The following PTPA variants were observed in gnomAD, a reference collection of about 807,000 sequenced individuals.
PTPA encodes the protein serine/threonine-protein phosphatase 2A activator.
PTPA carries 13 observed loss-of-function variants against 43.6 expected under a neutral mutation model. The ratio of observed to expected loss-of-function variants is 0.30; its 90% confidence interval spans 0.19 to 0.47. The LOEUF (loss-of-function observed/expected upper bound fraction) is 0.47, where lower values mean the gene tolerates loss of function less well. PTPA is among the 20% of genes least tolerant of loss of function. PTPA has a pLI of 0.99. For missense variants in PTPA, 329 were observed against 411.9 expected, an observed-to-expected ratio of 0.80 and a Z score of 1.74; for synonymous variants, 172 against 158.2, an observed-to-expected ratio of 1.09 and a Z score of -0.66.
At chr9:129,142,870 C>T (rs1850991434) in intron 9 of PTPA, 2 of 1,515,896 alleles carry the variant, frequency 1.3e-6, no homozygotes, top group Non-Finnish European at 1.8e-6. Context: ...TATCAAGTGG[C>T]CAAAGGCTCC....
chr9:129,130,752 T>G (rs1849904936), intron 4 of PTPA, among the ~76,000 whole-genome samples: 1 of 152,160 alleles, frequency 6.6e-6, no homozygotes, highest in Admixed American at 6.6e-5. Context: ...TTTTTACATG[T>G]TTTTACTCAT....
intron 1 of PTPA, among the ~76,000 whole-genome samples, chr9:129,118,096 A>G (rs1478597334): frequency 6.8e-6 from 1 of 146,752 alleles, no homozygotes; most frequent in Non-Finnish European, 1.5e-5. Context: ...TCTGTCAACC[A>G]GAGCTGGAGC....
chr9:129,146,305 T>C (rs1318515304), intron 9 of PTPA, among the ~76,000 whole-genome samples: 1 of 152,022 alleles, frequency 6.6e-6, no homozygotes, highest in East Asian at 1.9e-4. Flanking sequence ...ATGAGCTTGG[T>C]TTCCATCCTT....
intron 1 of PTPA, among the ~76,000 whole-genome samples, chr9:129,112,212 G>A (rs1848563135): frequency 6.6e-6 from 1 of 152,186 alleles, no homozygotes. Flanking sequence ...GTGCAAGGAG[G>A]TTAGTCTCTC....
chr9:129,113,325 C>T (rs1278053368), intron 1 of PTPA, among the ~76,000 whole-genome samples: 3 of 151,354 alleles, frequency 2.0e-5, no homozygotes, highest in African/African-American at 7.3e-5. Context: ...CTCCTGACCT[C>T]GTGATCCTCC....
chr9:129,140,450 C>T (rs1850709007), intron 8 of PTPA, among the ~76,000 whole-genome samples: 1 of 152,190 alleles, frequency 6.6e-6, no homozygotes, highest in African/African-American at 2.4e-5. Context: ...TCTGGCCTTT[C>T]TGTGTGTAGG....
chr9:129,128,059 A>T, intron 3 of PTPA: 1 of 1,333,524 alleles, frequency 7.5e-7, no homozygotes. Flanking sequence ...GGCACTGTGC[A>T]CCTTCGGAGG....
intron 1 of PTPA, among the ~76,000 whole-genome samples, chr9:129,114,368 A>G (rs1848733927): frequency 6.6e-6 from 1 of 152,220 alleles, no homozygotes; most frequent in African/African-American, 2.4e-5. Flanking sequence ...TTGGAGTCAT[A>G]CATATCTGGC....
intron 7 of PTPA, among the ~76,000 whole-genome samples, 190 bp downstream of exon 7, chr9:129,136,785 C>T (rs1313778317): frequency 2.0e-5 from 3 of 152,164 alleles, no homozygotes; most frequent in East Asian, 1.9e-4. Context: ...TGTGAGAGCC[C>T]GTGTGGTGGG....
intron 9 of PTPA, 195 bp downstream of exon 9, chr9:129,142,747 C>A: frequency 6.5e-7 from 1 of 1,536,732 alleles, no homozygotes; most frequent in Non-Finnish European, 8.7e-7. Flanking sequence ...AGAGAAGCAC[C>A]AGCCACCCCA....
chr9:129,115,372 C>T (rs542330245), intron 1 of PTPA, among the ~76,000 whole-genome samples: 1 of 152,278 alleles, frequency 6.6e-6, no homozygotes, highest in South Asian at 2.1e-4. Flanking sequence ...TTGAGTTAGG[C>T]AGAGATTTGT....
At chr9:129,119,750 ATCAACTTGGTT>A (rs1849128419) in intron 1 of PTPA, 1 of 152,020 alleles carries the variant, frequency 6.6e-6, no homozygotes, top group Non-Finnish European at 1.5e-5. Context: ...TGTCTGAAAC[ATCAACTTGGTT>A]TTATTTTTCT....
Position 129,142,559 on chromosome 9 carries a change from G to T in PTPA, c.894+7G>T, listed in dbSNP as rs1350182416. The T allele has an allele frequency of 2.5e-6, 4 of 1,614,130 alleles. No individual in the cohort carries two copies. Among genetic ancestry groups the T allele is most frequent in the South Asian group, 1.1e-5 (1 of 91,074 alleles). On this transcript the variant is annotated splice_region_variant and intron_variant, in intron 9 of 9. Coordinates refer to ENST00000393370, the MANE Select transcript of PTPA (RefSeq NM_178000.3). The stretch of plus-strand genomic sequence containing the variant: ...CCGCATGTATAAGGCCGAGGTGAGT[G>T]GGGGCTGGCCAGTGTGCCCGTCCCT...
At chr9:129,147,084 C>G (rs1851353309) in intron 9 of PTPA, among the ~76,000 whole-genome samples, 1 of 152,312 alleles carries the variant, frequency 6.6e-6, no homozygotes, top group South Asian at 2.1e-4. Context: ...AGGGTTCTTT[C>G]CACCTCAGGT....
At chr9:129,135,135 C>T (rs185444269) in intron 6 of PTPA, among the ~76,000 whole-genome samples, 257 of 152,346 alleles carry the variant, frequency 1.7e-3, no homozygotes, top group African/African-American at 5.9e-3. Flanking sequence ...TGGCTCACGC[C>T]TGTAATCCCA....
chr9:129,128,097 C>T (rs1266109542), intron 3 of PTPA: 13 of 1,287,674 alleles, frequency 1.0e-5, no homozygotes, highest in East Asian at 5.5e-5. Context: ...ATTTTTTAGA[C>T]GAAGAAACTG....
At chr9:129,147,356 A>ACC (rs2131641368) in intron 9 of PTPA, 31 bp from the exon 10 acceptor site, 1 of 1,609,870 alleles carries the variant, frequency 6.2e-7, no homozygotes, top group African/African-American at 1.3e-5. Context: ...TGTGGCCCTC[A>ACC]CCACTCTGCT....
At chr9:129,115,299 A>G (rs1440187131) in intron 1 of PTPA, among the ~76,000 whole-genome samples, 2 of 152,194 alleles carry the variant, frequency 1.3e-5, no homozygotes, top group East Asian at 1.9e-4. Context: ...GGTTCTGGGA[A>G]CAGAGCTTGC....
chr9:129,112,166 C>T (rs1243173513), intron 1 of PTPA, among the ~76,000 whole-genome samples: 1 of 152,128 alleles, frequency 6.6e-6, no homozygotes, highest in Non-Finnish European at 1.5e-5. Flanking sequence ...GGAAACTGCC[C>T]GTGGTGTCTA....
Sources: gnomAD v4.1 joint callset for allele counts (sites outside exome capture counted in the v4.1 genomes callset) on GRCh38, gnomAD v4.1.1 for gene constraint, MANE v1.5 for transcripts, NCBI Gene and HGNC (gene_info 2026-07-23, HGNC 2026-07-21) for gene names.